The following RGS6 variants were observed in gnomAD, a reference collection of about 807,000 sequenced individuals.
The protein encoded by RGS6 is regulator of G protein signaling 6.
In RGS6, 30 loss-of-function variants were observed where a neutral mutation model predicts 78.5. The observed-to-expected ratio is 0.38, with a 90% CI of 0.29 to 0.52. The LOEUF is 0.52. Ranked by LOEUF, RGS6 falls within the 20% of genes least tolerant of loss-of-function variation. RGS6 has a pLI of 0.85. For synonymous variants in RGS6, 206 were observed against 206.0 expected, an observed-to-expected ratio of 1.00 and a Z score of 0.00; for missense variants, 495 against 609.7, an observed-to-expected ratio of 0.81 and a Z score of 1.98.
chr14:72,538,875 T>C (rs2097284248), intron 16 of RGS6, among the ~76,000 whole-genome samples: 1 of 152,234 alleles, frequency 6.6e-6, no homozygotes, highest in South Asian at 2.1e-4. Context: ...CCCAACTTCA[T>C]CCACACAGGC....
At chr14:72,450,726 G>T (rs1478098239) in intron 3 of RGS6, among the ~76,000 whole-genome samples, 1 of 152,308 alleles carries the variant, frequency 6.6e-6, no homozygotes, top group Non-Finnish European at 1.5e-5. Context: ...AACAGAAAAG[G>T]AATCCGCTTC....
At chr14:72,470,601 G>A (rs1055260868) in intron 8 of RGS6, among the ~76,000 whole-genome samples, 1 of 152,112 alleles carries the variant, frequency 6.6e-6, no homozygotes, top group Non-Finnish European at 1.5e-5. Context: ...AGTAAGGCTG[G>A]GCATGGTGGC....
chr14:72,454,377 AG>A (rs1460623256), intron 3 of RGS6, 150 bp from the exon 4 acceptor site: 1 of 724,856 alleles, frequency 1.4e-6, no homozygotes, highest in Admixed American at 2.1e-5. Flanking sequence ...AAGAATGGAA[AG>A]GGTTGGTTAG....
the RGS6 span, chr14:72,594,206 A>C: frequency 6.6e-6 from 1 of 152,168 alleles, no homozygotes; most frequent in Non-Finnish European, 1.5e-5. Flanking sequence ...CAACAACTCA[A>C]ACATAGTGGA....
At chr14:72,332,271 G>A (rs940986800) in intron 2 of RGS6, among the ~76,000 whole-genome samples, 5 of 152,194 alleles carry the variant, frequency 3.3e-5, no homozygotes, top group African/African-American at 7.2e-5. Flanking sequence ...AGTCCTGAAC[G>A]CTTTGCCAAA....
intron 2 of RGS6, among the ~76,000 whole-genome samples, chr14:72,338,990 T>C (rs1002543806): frequency 2.6e-5 from 4 of 152,110 alleles, no homozygotes; most frequent in African/African-American, 9.7e-5. Context: ...AAATAAAAAA[T>C]AAATTTGAGA....
intron 2 of RGS6, among the ~76,000 whole-genome samples, chr14:71,995,624 T>G (rs1278147751): frequency 6.6e-6 from 1 of 152,152 alleles, no homozygotes; most frequent in Non-Finnish European, 1.5e-5. Context: ...TTGAGAGAAT[T>G]AAATGATTTA....
chr14:71,972,787 G>C (rs1433465968), intron 2 of RGS6, among the ~76,000 whole-genome samples: 2 of 152,192 alleles, frequency 1.3e-5, no homozygotes, highest in Non-Finnish European at 2.9e-5. Flanking sequence ...GGATGTGTTT[G>C]AGAGATGTTT....
intron 1 of RGS6, among the ~76,000 whole-genome samples, chr14:71,945,977 G>A (rs546390398): frequency 1.3e-5 from 2 of 152,250 alleles, no homozygotes; most frequent in South Asian, 2.1e-4. Flanking sequence ...CTATGGAAAT[G>A]CTACAGTGTT....
intron 2 of RGS6, among the ~76,000 whole-genome samples, chr14:72,343,912 G>A (rs1283448675): frequency 2.0e-5 from 3 of 152,190 alleles, no homozygotes; most frequent in East Asian, 1.9e-4. Flanking sequence ...GGTCTTCTGC[G>A]GTTGCTAGAA....
chr14:71,887,436 T>G, the RGS6 span, among the ~76,000 whole-genome samples: 1 of 152,176 alleles, frequency 6.6e-6, no homozygotes, highest in Non-Finnish European at 1.5e-5. Flanking sequence ...AGAGAGCCTA[T>G]AAGTGGACGT....
intron 2 of RGS6, among the ~76,000 whole-genome samples, chr14:72,073,521 G>T (rs7147061): frequency 0.7 from 105,986 of 152,072 alleles, 37,097 homozygotes; most frequent in East Asian, 0.8. Flanking sequence ...GCAGCTCAGG[G>T]TGCAAGGTGG....
chr14:72,388,953 T>TTAGTAGTAG (rs34503088), intron 3 of RGS6, among the ~76,000 whole-genome samples: 1 of 151,916 alleles, frequency 6.6e-6, no homozygotes, highest in Non-Finnish European at 1.5e-5. Context: ...ATTCCCATTA[T>TTAGTAGTAG]TAGTAGTAGT....
chr14:71,982,384 G>A (rs1272175550), intron 2 of RGS6, among the ~76,000 whole-genome samples: 1 of 152,168 alleles, frequency 6.6e-6, no homozygotes, highest in Non-Finnish European at 1.5e-5. Flanking sequence ...ACGGCTCTAG[G>A]ACAATGTTAC....
chr14:72,210,849 T>G (rs2043947987), intron 2 of RGS6, among the ~76,000 whole-genome samples: 1 of 152,118 alleles, frequency 6.6e-6, no homozygotes, highest in Non-Finnish European at 1.5e-5. Context: ...AACCATCATA[T>G]AAAGAGACAG....
chr14:72,417,459 C>G (rs181335546), intron 3 of RGS6, among the ~76,000 whole-genome samples: 67 of 152,274 alleles, frequency 4.4e-4, no homozygotes, highest in Non-Finnish European at 7.8e-4. Flanking sequence ...TGTAAAAAGC[C>G]AGGCTGAAGA....
chr14:72,416,101 T>C (rs1258332129), intron 3 of RGS6, among the ~76,000 whole-genome samples: 1 of 145,098 alleles, frequency 6.9e-6, no homozygotes, highest in African/African-American at 2.6e-5. Context: ...TGAGCCAAGA[T>C]CGCACTGCAC....
At position 72,055,784 on chromosome 14, in the gene RGS6, C is replaced by T. The variant is rs74248113; in HGVS notation, c.84+90909C>T. Among the ~76,000 whole-genome samples, 191 of 152,234 alleles carry T rather than the reference C, an allele frequency of 1.3e-3. No homozygotes were observed. The East Asian group carries it at 0.032, about 26-fold the overall frequency. ...CCTGATATTGTTAATTGTTCTTTTT[C>T]TCATTTCTAAAGTACAAAGTTTGCA... is the stretch of plus-strand genomic sequence containing the variant. On this transcript the variant is annotated intron_variant, in intron 2 of 17. Coordinates refer to ENST00000553525, the MANE Select transcript of RGS6 (RefSeq NM_001204424.2).
chr14:72,422,676 G>T (rs911373217), intron 3 of RGS6, among the ~76,000 whole-genome samples: 2 of 152,192 alleles, frequency 1.3e-5, no homozygotes, highest in African/African-American at 2.4e-5. Flanking sequence ...GTCCCCATGA[G>T]AGTGGGTGTC....
Sources: gnomAD v4.1 joint callset for allele counts (sites outside exome capture counted in the v4.1 genomes callset) on GRCh38, gnomAD v4.1.1 for gene constraint, MANE v1.5 for transcripts, NCBI Gene and HGNC (gene_info 2026-07-23, HGNC 2026-07-21) for gene names.